NUP210: variants seen among roughly 807,000 people sequenced by gnomAD.
NUP210 encodes the protein nuclear pore membrane glycoprotein 210.
In NUP210, 151 loss-of-function variants were observed where a neutral mutation model predicts 196.0. The ratio of observed to expected loss-of-function variants is 0.77; its 90% confidence interval spans 0.67 to 0.88. NUP210 has a LOEUF of 0.88. Ranked by LOEUF, NUP210 falls within the 40% of genes least tolerant of loss-of-function variation. NUP210 has a pLI of 0.00. For missense variants in NUP210, 2,314 were observed against 2,493.7 expected, an observed-to-expected ratio of 0.93 and a Z score of 1.53; for synonymous variants, 1,070 against 1,052.7, an observed-to-expected ratio of 1.02 and a Z score of -0.32.
At chr3:13,343,342 G>GGGGGGGGGGGGGGGGGGGGGC in intron 20 of NUP210, 39 bp from the exon 21 acceptor site, 1 of 655,992 alleles carries the variant, frequency 1.5e-6, no homozygotes, top group Non-Finnish European at 2.5e-6. Flanking sequence ...TGGGTGGTGG[G>GGGGGGGGGGGGGGGGGGGGGC]TTACGCAGCT....
At chr3:13,319,607 AT>A (rs887237777) in intron 37 of NUP210, among the ~76,000 whole-genome samples, 155 bp downstream of exon 37, 16 of 152,194 alleles carry the variant, frequency 1.1e-4, no homozygotes, top group Non-Finnish European at 2.1e-4. Context: ...TAAAGCCTGC[AT>A]CATGGCCCCA....
chr3:13,322,832 C>T lies in NUP210; in HGVS notation c.4768+477G>A, dbSNP rs569564755. Among the ~76,000 whole-genome samples the T allele has an allele frequency of 2.9e-3, 442 of 152,360 alleles. 4 individuals carry two copies. Among genetic ancestry groups the T allele is most frequent in the African/African-American group, 0.01 (431 of 41,592 alleles). On this transcript the variant is annotated intron_variant, in intron 34 of 39. Transcript: ENST00000254508. Reference sequence around the variant, plus strand: ...ACGAGAAGGGCGGTGCTTCACTCTGCCAGTGAGGTGGTTTAAGAAAACAGC... The same window carrying T: ...ACGAGAAGGGCGGTGCTTCACTCTGTCAGTGAGGTGGTTTAAGAAAACAGC...
chr3:13,317,588 G>A lies in NUP210; in HGVS notation c.*93C>T. On this transcript the variant is annotated 3_prime_UTR_variant, in exon 40 of 40. Coordinates refer to ENST00000254508, the MANE Select transcript of NUP210 (RefSeq NM_024923.4). Reference sequence around the variant, plus strand: ...CTGGGGCCGGGGCACTCATCTGGAGGGGCTTGTTCCAGTGTGAATGCAGCA... The same window carrying A: ...CTGGGGCCGGGGCACTCATCTGGAGAGGCTTGTTCCAGTGTGAATGCAGCA... The A allele has an allele frequency of 7.5e-6, 7 of 938,288 alleles. No homozygotes were observed. The highest frequency in any genetic ancestry group is 1.7e-6 in the Non-Finnish European group (1 of 596,540). The allele number at this position is 938,288 out of a possible 1,614,324, so 58.1% of individuals were successfully genotyped here.
chr3:13,381,947 C>T (rs1310094656), intron 6 of NUP210, among the ~76,000 whole-genome samples: 5 of 152,076 alleles, frequency 3.3e-5, no homozygotes, highest in Non-Finnish European at 7.4e-5. Context: ...AGAGCTCACT[C>T]CCTGCCTCTG....
chr3:13,336,240 G>C (rs1013033605), intron 27 of NUP210, among the ~76,000 whole-genome samples: 4 of 152,184 alleles, frequency 2.6e-5, no homozygotes, highest in African/African-American at 9.7e-5. Context: ...TGGGTCCTGT[G>C]TGTCCAAGGC....
intron 22 of NUP210, 56 bp from the exon 23 acceptor site, chr3:13,341,939 C>A (rs546659475): frequency 1.2e-4 from 197 of 1,613,072 alleles, no homozygotes; most frequent in Non-Finnish European, 1.6e-4. Flanking sequence ...GGAAAGGCTG[C>A]AGCTGGGGTC....
intron 1 of NUP210, among the ~76,000 whole-genome samples, chr3:13,414,271 G>GC (rs1240922359): frequency 5.2e-5 from 8 of 152,398 alleles, no homozygotes; most frequent in Non-Finnish European, 1.0e-4. Context: ...CAGAGCGGAA[G>GC]CCACCTCGTG....
intron 16 of NUP210, among the ~76,000 whole-genome samples, chr3:13,355,593 C>T (rs759007505): frequency 1.3e-5 from 2 of 152,232 alleles, no homozygotes; most frequent in African/African-American, 2.4e-5. Flanking sequence ...TCACAAAACA[C>T]CCCACCTGCA....
In NUP210 at chr3:13,348,273, T is replaced by C. The variant is rs1157829213; in HGVS notation, c.2835+3606A>G. On this transcript the variant is annotated intron_variant, in intron 20 of 39. Transcript: ENST00000254508. This position sits in a 1 kb window ranked among gnomAD's most constrained non-coding sequence, Gnocchi z 4.0. Reference sequence around the variant, plus strand: ...ACAAGTGTCCCAGCTTCTGCTCAAATGCCTCCAGAGACAGGGAGCTCACTA... The same window carrying C: ...ACAAGTGTCCCAGCTTCTGCTCAAACGCCTCCAGAGACAGGGAGCTCACTA... 11 of 546,972 alleles carry C rather than the reference T, an allele frequency of 2.0e-5. No homozygotes were observed. The highest frequency in any genetic ancestry group is 2.6e-5 in the Non-Finnish European group (11 of 429,512). The allele number at this position is 546,972 out of a possible 1,614,324, so 33.9% of individuals were successfully genotyped here.
intron 30 of NUP210, among the ~76,000 whole-genome samples, chr3:13,329,767 AG>A (rs1305948027): frequency 6.6e-6 from 1 of 152,230 alleles, no homozygotes; most frequent in East Asian, 1.9e-4. Flanking sequence ...AATTCCATTC[AG>A]CAAAACCCCA....
At chr3:13,387,746 C>A (rs1576408894) in intron 5 of NUP210, among the ~76,000 whole-genome samples, 2 of 152,282 alleles carry the variant, frequency 1.3e-5, no homozygotes, top group African/African-American at 4.8e-5. Flanking sequence ...GTTGGATAGA[C>A]CCACTCCTCA....
chr3:13,370,749 A>T (rs1179682484), intron 13 of NUP210, among the ~76,000 whole-genome samples: 1 of 152,188 alleles, frequency 6.6e-6, no homozygotes, highest in African/African-American at 2.4e-5. Flanking sequence ...GCAGCTTCAA[A>T]CTGCAAAAGC....
intron 16 of NUP210, among the ~76,000 whole-genome samples, chr3:13,357,069 G>C (rs1480104009): frequency 6.6e-6 from 1 of 152,242 alleles, no homozygotes; most frequent in Non-Finnish European, 1.5e-5. Flanking sequence ...CTGCTCTCCA[G>C]TTCAGCTACT....
At chr3:13,373,658 G>C (rs1477035669) in intron 12 of NUP210, 60 bp downstream of exon 12, 6 of 1,572,012 alleles carry the variant, frequency 3.8e-6, no homozygotes, top group African/African-American at 1.3e-5. Context: ...TTGCTCAGAG[G>C]GGGCGGCTGG....
chr3:13,359,545 AT>A (rs1373279785), intron 15 of NUP210, among the ~76,000 whole-genome samples: 2 of 152,164 alleles, frequency 1.3e-5, no homozygotes. Context: ...CCCTGCACAC[AT>A]GCAGGAAATA....
At chr3:13,343,351 C>A (rs780713816) in intron 20 of NUP210, 48 bp from the exon 21 acceptor site, 2 of 1,590,452 alleles carry the variant, frequency 1.3e-6, no homozygotes, top group South Asian at 1.1e-5. Flanking sequence ...GGTTACGCAG[C>A]TGCAGGGCCC....
chr3:13,325,118 C>T (rs1479318619), intron 33 of NUP210, among the ~76,000 whole-genome samples: 2 of 152,196 alleles, frequency 1.3e-5, no homozygotes, highest in Non-Finnish European at 2.9e-5. Flanking sequence ...GCTTCTCCCA[C>T]ACCCTCTGTT....
chr3:13,343,897 T>A (rs575730226), intron 20 of NUP210, among the ~76,000 whole-genome samples: 116 of 152,240 alleles, frequency 7.6e-4, no homozygotes, highest in Non-Finnish European at 1.5e-3. Context: ...CACCCCAGTG[T>A]GAGCTATGTG....
Position 13,388,468 on chromosome 3 carries a change from CGTT to C in NUP210, c.534-18_534-16del. On this transcript the variant is annotated splice_polypyrimidine_tract_variant and intron_variant, in intron 4 of 39. Transcript: ENST00000254508. ...AAGTGAGGATTCTGGAAAAGGAGCA[CGTT>C]GTCAAAGTTTGTTGATCAAACCCCA... 6.3e-7 allele frequency: 1 copy of C among 1,583,698 alleles called. No homozygotes were observed. The highest frequency in any genetic ancestry group is 1.2e-5 in the South Asian group (1 of 86,370).
Sources: allele counts gnomAD v4.1 joint callset (sites outside exome capture counted in the v4.1 genomes callset), GRCh38; gene constraint gnomAD v4.1.1; non-coding constraint Gnocchi (gnomAD v3.1); transcripts MANE v1.5; gene names NCBI Gene and HGNC (gene_info 2026-07-23, HGNC 2026-07-21).